RBFOX1: variants seen among roughly 807,000 people sequenced by gnomAD.
The protein encoded by RBFOX1 is RNA binding fox-1 homolog 1.
Under a neutral mutation model 57.7 loss-of-function variants are expected in RBFOX1, and 8 were observed. The observed-to-expected ratio is 0.14, with a 90% confidence interval of 0.08 to 0.25. The LOEUF (loss-of-function observed/expected upper bound fraction) is 0.25, where lower values mean the gene tolerates loss of function less well. RBFOX1 is among the 10% of genes least tolerant of loss of function. The probability of loss-of-function intolerance (pLI) is 1.00; values close to 1 mark genes in which losing one functional copy is unlikely to be tolerated. For missense variants in RBFOX1, 611 were observed against 548.5 expected (o/e 1.11, Z -1.14); for synonymous variants, 326 against 222.4 (o/e 1.47, Z -4.15).
intron 4 of RBFOX1, among the ~76,000 whole-genome samples, chr16:7,510,882 A>C (rs2076434059): frequency 6.6e-6 from 1 of 152,140 alleles, no homozygotes; most frequent in Admixed American, 6.5e-5. Context: ...CAGCTGGCTT[A>C]TTAGGTTTTG....
At chr16:5,715,467 G>C (rs1192816973) in intron 3 of RBFOX1, among the ~76,000 whole-genome samples, 1 of 152,192 alleles carries the variant, frequency 6.6e-6, no homozygotes, top group African/African-American at 2.4e-5. Context: ...TCTTCTTCAA[G>C]GAGATACACA....
chr16:6,617,902 A>G (rs2098167006), intron 2 of RBFOX1, among the ~76,000 whole-genome samples: 1 of 152,140 alleles, frequency 6.6e-6, no homozygotes, highest in African/African-American at 2.4e-5. Context: ...GTCTGGGGGC[A>G]GGGGTAACAG....
intron 3 of RBFOX1, among the ~76,000 whole-genome samples, chr16:6,804,999 C>T (rs1238855484): frequency 1.3e-5 from 2 of 152,174 alleles, no homozygotes; most frequent in Non-Finnish European, 2.9e-5. Context: ...CATCAAAGAT[C>T]TGAAAACTGA....
intron 3 of RBFOX1, among the ~76,000 whole-genome samples, chr16:5,810,487 C>T (rs908217353): frequency 1.3e-5 from 2 of 152,176 alleles, no homozygotes; most frequent in African/African-American, 2.4e-5. Context: ...TTTGTAATGG[C>T]AGCCCTAGCA....
Position 5,856,575 on chromosome 16 carries a change from G to GTGCATATATATATATA in RBFOX1, c.319-10727_319-10726insGCATATATATATATAT, listed in dbSNP as rs1192496608. On this transcript the variant is annotated intron_variant, in intron 3 of 19. Coordinates refer to the RBFOX1 transcript ENST00000641259. Reference sequence around the variant, plus strand: ...TGTGTGTGTGTGTATGTGTGTGTGTGTATATATATATATATATATATATAT... The same window carrying GTGCATATATATATATA: ...TGTGTGTGTGTGTATGTGTGTGTGTGTGCATATATATATATATATATATATATATATATATATATAT... Among the ~76,000 whole-genome samples the GTGCATATATATATATA allele has an allele frequency of 8.5e-4, 28 of 32,924 alleles. 2 individuals are homozygous for GTGCATATATATATATA. The highest frequency in any genetic ancestry group is 1.4e-3 in the Non-Finnish European group (24 of 17,406). 21.6% of individuals were successfully genotyped at this position (32,924 alleles called of 152,430 possible).
intron 13 of RBFOX1, among the ~76,000 whole-genome samples, chr16:7,669,853 G>A (rs887422288): frequency 1.3e-5 from 2 of 152,124 alleles, no homozygotes; most frequent in African/African-American, 4.8e-5. Context: ...CTGAGGATTG[G>A]CATTTGACTT....
chr16:7,479,385 C>T (rs2075017835), intron 4 of RBFOX1, among the ~76,000 whole-genome samples: 1 of 152,120 alleles, frequency 6.6e-6, no homozygotes, highest in Admixed American at 6.5e-5. Context: ...CTGGCTTGGC[C>T]TCCCAAAGTG....
intron 4 of RBFOX1, among the ~76,000 whole-genome samples, chr16:7,418,473 A>C (rs1381326763): frequency 1.3e-5 from 2 of 152,138 alleles, no homozygotes; most frequent in East Asian, 3.9e-4. Context: ...TCTGAGATGG[A>C]GATTACGCAT....
intron 3 of RBFOX1, among the ~76,000 whole-genome samples, chr16:5,731,682 C>T (rs923963166): frequency 2.0e-5 from 3 of 152,006 alleles, no homozygotes; most frequent in Non-Finnish European, 2.9e-5. Flanking sequence ...GTCAGAAATC[C>T]CCCCTGGATG....
intron 3 of RBFOX1, among the ~76,000 whole-genome samples, chr16:6,853,875 T>C (rs150364872): frequency 6.6e-6 from 1 of 152,296 alleles, no homozygotes; most frequent in Non-Finnish European, 1.5e-5. Context: ...ATGGTTAATA[T>C]AGCCAGGGCC....
intron 3 of RBFOX1, among the ~76,000 whole-genome samples, chr16:6,873,442 G>A (rs562081097): frequency 6.6e-6 from 1 of 152,150 alleles, no homozygotes; most frequent in South Asian, 2.1e-4. Flanking sequence ...TTTCAAATAG[G>A]CTTTCAATTT....
At chr16:5,529,221 G>C (rs1350566986) in intron 2 of RBFOX1, among the ~76,000 whole-genome samples, 1 of 151,912 alleles carries the variant, frequency 6.6e-6, no homozygotes, top group African/African-American at 2.4e-5. Context: ...CCTGCCTGAG[G>C]GTGCGTGACT....
chr16:7,436,061 T>G (rs563112568), intron 4 of RBFOX1, among the ~76,000 whole-genome samples: 1 of 152,290 alleles, frequency 6.6e-6, no homozygotes, highest in African/African-American at 2.4e-5. Context: ...TCGTGAGAAT[T>G]TCTTTCCACA....
chr16:5,981,724 C>G (rs892654692), intron 4 of RBFOX1, among the ~76,000 whole-genome samples: 2 of 152,176 alleles, frequency 1.3e-5, no homozygotes, highest in African/African-American at 4.8e-5. Context: ...CTGCCTCACC[C>G]TCCCAAATTA....
At chr16:6,370,334 G>C (rs755221328) in intron 2 of RBFOX1, among the ~76,000 whole-genome samples, 6 of 126,938 alleles carry the variant, frequency 4.7e-5, no homozygotes, top group Non-Finnish European at 6.3e-5. Context: ...CTCTAGCCTG[G>C]GCGACAGATA....
At chr16:6,307,293 G>A (rs1304433397) in intron 1 of RBFOX1, among the ~76,000 whole-genome samples, 2 of 152,128 alleles carry the variant, frequency 1.3e-5, no homozygotes, top group African/African-American at 4.8e-5. Flanking sequence ...TGAGGCAGGA[G>A]AATGGTGTGA....
chr16:7,526,926 C>T (rs1189691987), intron 5 of RBFOX1, among the ~76,000 whole-genome samples: 5 of 152,180 alleles, frequency 3.3e-5, no homozygotes, highest in Non-Finnish European at 1.5e-5. Context: ...GAAGGCATCC[C>T]CCAGGCATGC....
At chr16:5,584,996 T>C (rs903900648) in intron 2 of RBFOX1, among the ~76,000 whole-genome samples, 8 of 152,172 alleles carry the variant, frequency 5.3e-5, no homozygotes, top group Non-Finnish European at 8.8e-5. Context: ...GGAAGTCTTC[T>C]GTAGAAAATA....
intron 1 of RBFOX1, among the ~76,000 whole-genome samples, chr16:6,268,054 C>T (rs761042436): frequency 2.2e-4 from 34 of 152,182 alleles, no homozygotes; most frequent in Non-Finnish European, 3.5e-4. Flanking sequence ...TTGCTTCACT[C>T]TTGGGCTGAA....
Sources: allele counts gnomAD v4.1 joint callset (sites outside exome capture counted in the v4.1 genomes callset), GRCh38; gene constraint gnomAD v4.1.1; transcripts MANE v1.5; gene names NCBI Gene and HGNC (gene_info 2026-07-23, HGNC 2026-07-21).